The following CEP192 variants were observed in gnomAD, a reference collection of about 807,000 sequenced individuals.
The protein encoded by CEP192 is centrosomal protein 192, also known as centrosomal protein of 192 kDa.
CEP192 carries 151 observed loss-of-function variants against 271.8 expected under a neutral mutation model. The observed-to-expected ratio is 0.56, with a 90% CI of 0.49 to 0.64. CEP192 has a LOEUF of 0.64. Among genes scored for constraint, CEP192 ranks in the 30% least tolerant of loss-of-function variants. The pLI, the probability that CEP192 is intolerant of heterozygous loss-of-function variation, is 0.00. For missense variants in CEP192, 2,910 were observed against 3,020.5 expected, an observed-to-expected ratio of 0.96 and a Z score of 0.86; for synonymous variants, 995 against 1,076.5, an observed-to-expected ratio of 0.92 and a Z score of 1.48.
Position 13,113,614 on chromosome 18 carries a change from G to A in CEP192, c.7076G>A (p.Arg2359Lys), listed in dbSNP as rs1228249440. Residue 2359 changes from arginine to lysine, a missense_variant, in exon 41 of 45, where the codon AGG becomes AAG. Coordinates refer to ENST00000506447, the MANE Select transcript of CEP192 (RefSeq NM_032142.4). ...KVSITFLPRG[R>K]GDYAQFWDVE... Reference sequence around the variant, plus strand: ...TCCATCACATTTTTGCCCAGAGGTAGGGGGGATTATGCCCAGTTTTGGGAT... The same window carrying A: ...TCCATCACATTTTTGCCCAGAGGTAAGGGGGATTATGCCCAGTTTTGGGAT... The A allele has an allele frequency of 1.2e-6, 2 of 1,612,570 alleles. No individual in the cohort carries two copies. Among genetic ancestry groups the A allele is most frequent in the East Asian group, 4.5e-5 (2 of 44,838 alleles).
intron 11 of CEP192, among the ~76,000 whole-genome samples, chr18:13,036,908 C>T (rs1045187721): frequency 2.0e-5 from 3 of 152,242 alleles, no homozygotes; most frequent in Admixed American, 6.5e-5. Flanking sequence ...TGAAATTCCA[C>T]CAGCATTCAT....
chr18:13,048,498 G>A (rs928037313), intron 15 of CEP192, among the ~76,000 whole-genome samples: 6 of 152,144 alleles, frequency 3.9e-5, no homozygotes, highest in Non-Finnish European at 8.8e-5. Context: ...GAAGGTTCTC[G>A]ACTTAATAAG....
At position 13,092,431 on chromosome 18, in the gene CEP192, G is replaced by A; in HGVS notation, c.6158G>A (p.Cys2053Tyr). Residue 2053 changes from cysteine to tyrosine, a missense_variant, in exon 34 of 45, where the codon TGT (cysteine) becomes TAT (tyrosine). Cys to Tyr is a radical substitution (Grantham distance 194, BLOSUM62 -2). Coordinates refer to ENST00000506447, the MANE Select transcript of CEP192 (RefSeq NM_032142.4). ...NDVQLFYGSM[C>Y]KIILSVIGEF... ...GTTCAGCTCTTTTATGGAAGCATGT[G>A]TAAAATTATACTTTCAGTAATTGGA... 6.2e-7 allele frequency: 1 copy of A among 1,604,316 alleles called. No individual in the cohort carries two copies. Among genetic ancestry groups the A allele is most frequent in the Non-Finnish European group, 8.5e-7 (1 of 1,172,428 alleles).
intron 11 of CEP192, among the ~76,000 whole-genome samples, chr18:13,036,672 A>G (rs2035934815): frequency 6.6e-6 from 1 of 152,182 alleles, no homozygotes; most frequent in Non-Finnish European, 1.5e-5. Flanking sequence ...CCTCTGAGGC[A>G]TTTTAGTGAT....
intron 2 of CEP192, among the ~76,000 whole-genome samples, chr18:13,000,779 AC>A (rs1202800464): frequency 6.6e-6 from 1 of 152,190 alleles, no homozygotes. Context: ...ACATGGCAAA[AC>A]CCTGTTTACT....
intron 44 of CEP192, among the ~76,000 whole-genome samples, chr18:13,121,565 C>T (rs2040660418): frequency 6.6e-6 from 1 of 152,224 alleles, no homozygotes; most frequent in Admixed American, 6.5e-5. Flanking sequence ...GAAAAGGAAA[C>T]ATTACTAACA....
At chr18:13,080,099 G>A (rs1168302116) in intron 30 of CEP192, among the ~76,000 whole-genome samples, 1 of 152,168 alleles carries the variant, frequency 6.6e-6, no homozygotes, top group Non-Finnish European at 1.5e-5. Flanking sequence ...TTTTGGCTTA[G>A]GATTGTCTTG....
chr18:12,992,765 C>A (rs1256255700), intron 1 of CEP192, among the ~76,000 whole-genome samples: 2 of 152,210 alleles, frequency 1.3e-5, no homozygotes, highest in African/African-American at 4.8e-5. Context: ...TCTGTTGAAG[C>A]ACTTAACACT....
rs760748859 is a variant in CEP192 at position 13,069,227 on chromosome 18, T to C, written c.5055+46T>C. 2.7e-6 allele frequency: 4 copies of C among 1,488,654 alleles called. No homozygotes were observed. The South Asian group carries it at 3.4e-5, about 13-fold the overall frequency. 92.2% of individuals were successfully genotyped at this position (1,488,654 alleles called of 1,614,324 possible). On this transcript the variant is annotated intron_variant, in intron 26 of 44. Coordinates refer to ENST00000506447, the MANE Select transcript of CEP192 (RefSeq NM_032142.4). ...GCCATAAGATAGTCTTTCCTCAGAC[T>C]GTGAGAGCTCCTTGCTTTCTGCAGG... is the stretch of plus-strand genomic sequence containing the variant.
At chr18:13,065,603 C>T (rs2037653056) in intron 21 of CEP192, among the ~76,000 whole-genome samples, 1 of 152,196 alleles carries the variant, frequency 6.6e-6, no homozygotes, top group Non-Finnish European at 1.5e-5. Context: ...TATTCCTATG[C>T]AGCTCTATTG....
chr18:13,097,958 G>C (rs1028530353), intron 36 of CEP192, among the ~76,000 whole-genome samples: 7 of 152,076 alleles, frequency 4.6e-5, no homozygotes, highest in African/African-American at 1.5e-4. Context: ...CACAGGGTTG[G>C]GGGTAAGGTC....
rs147347962 is a variant in CEP192, at chr18:13,039,828, G to A, written c.1810-1002G>A. ...GTGAAAGTCAGCAAAAGACAGAAGA[G>A]GGAAAGAAGCAGGCAAACACTTAGG... On this transcript the variant is annotated intron_variant, in intron 13 of 44. Transcript: ENST00000506447. Among the ~76,000 whole-genome samples, 306 of 152,298 alleles carry A rather than the reference G, an allele frequency of 2.0e-3. 2 individuals carry two copies. The Middle Eastern group carries it at 0.02, about 10-fold the overall frequency.
chr18:13,090,718 C>T (rs1465025463), intron 33 of CEP192, among the ~76,000 whole-genome samples: 2 of 152,098 alleles, frequency 1.3e-5, no homozygotes, highest in East Asian at 3.9e-4. Context: ...AGGAAAAAAA[C>T]CTTGGACTTG....
At chr18:13,046,126 T>TG (rs1024551189) in intron 15 of CEP192, among the ~76,000 whole-genome samples, 4 of 152,038 alleles carry the variant, frequency 2.6e-5, no homozygotes, top group Non-Finnish European at 4.4e-5. Context: ...GCTTGGCTTC[T>TG]GGGGGGGCCT....
chr18:13,006,140 C>G (rs574196354), intron 3 of CEP192, among the ~76,000 whole-genome samples: 2 of 152,032 alleles, frequency 1.3e-5, no homozygotes, highest in South Asian at 4.2e-4. Context: ...CTGGGTTGTT[C>G]TATATCTACT....
intron 20 of CEP192, 59 bp downstream of exon 20, chr18:13,057,792 T>C: frequency 6.5e-7 from 1 of 1,537,580 alleles, no homozygotes; most frequent in Middle Eastern, 2.3e-4. Flanking sequence ...AGGTGCTTGA[T>C]TTCCCCCATC....
chr18:13,095,587 C>G lies in CEP192; in HGVS notation c.6339C>G (p.Leu2113=), dbSNP rs569726095. 6 of 1,614,210 alleles carry G rather than the reference C, an allele frequency of 3.7e-6. No individual in the cohort carries two copies. In the African/African-American group the frequency reaches 5.3e-5, roughly 14 times the overall value. The change falls in exon 35 of 45, where the codon CTC becomes CTG. Residue 2113 remains leucine, a synonymous_variant. Transcript: ENST00000506447. The part of the protein sequence containing the change: ...PVKGPQGSPL[L]SRAARPPLDQ... Reference sequence around the variant, plus strand: ...AAGGTCCTCAGGGTTCTCCTCTTCTCTCACGGGCGGCTCGCCCGCCTCTGG... The same window carrying G: ...AAGGTCCTCAGGGTTCTCCTCTTCTGTCACGGGCGGCTCGCCCGCCTCTGG...
intron 42 of CEP192, among the ~76,000 whole-genome samples, chr18:13,114,614 T>C (rs1250195175): frequency 6.6e-6 from 1 of 152,254 alleles, no homozygotes; most frequent in Non-Finnish European, 1.5e-5. Flanking sequence ...TAAATGAACG[T>C]ATCACAGTTT....
chr18:13,010,190 T>G (rs1189833747), intron 4 of CEP192, among the ~76,000 whole-genome samples: 6 of 152,118 alleles, frequency 3.9e-5, no homozygotes, highest in East Asian at 1.9e-4. Flanking sequence ...TTTAAAAAAA[T>G]CATAGGCTTC....
Sources: allele counts gnomAD v4.1 joint callset (sites outside exome capture counted in the v4.1 genomes callset), GRCh38; gene constraint gnomAD v4.1.1; transcripts MANE v1.5; gene names NCBI Gene and HGNC (gene_info 2026-07-23, HGNC 2026-07-21).